NRG1: variants seen among roughly 807,000 people sequenced by gnomAD.
NRG1 encodes the protein neuregulin 1.
A neutral mutation model predicts 63.8 loss-of-function variants in NRG1; 18 were observed. The observed-to-expected ratio is 0.28, with a 90% CI of 0.19 to 0.42. The LOEUF (loss-of-function observed/expected upper bound fraction) is 0.42. Among genes scored for constraint, NRG1 ranks in the 10% least tolerant of loss-of-function variants. The pLI is 1.00. For synonymous variants in NRG1, 302 were observed against 301.3 expected (o/e 1.00, Z -0.02); for missense variants, 762 against 814.7 (o/e 0.94, Z 0.79).
Position 32,627,089 on chromosome 8 carries a change from T to C in NRG1, c.502+10204T>C, listed in dbSNP as rs540927386. Among the ~76,000 whole-genome samples the C allele has an allele frequency of 8.5e-5, 13 of 152,106 alleles. No individual in the cohort carries two copies. The South Asian group carries it at 2.3e-3, about 27-fold the overall frequency. ...ACTATTTTTATTATTATTATTTTAC[T>C]GTTGTCTGTCTCCTAAAATAGCAAA... On this transcript the variant is annotated intron_variant, in intron 5 of 11. Coordinates refer to ENST00000356819, the Ensembl canonical transcript of NRG1.
At chr8:31,994,097 C>A in intron 1 of NRG1, among the ~76,000 whole-genome samples, 1 of 151,866 alleles carries the variant, frequency 6.6e-6, no homozygotes, top group East Asian at 1.9e-4. Context: ...CACTTTGCAG[C>A]AACAAAGAGG....
chr8:32,399,229 A>G (rs372182216), intron 1 of NRG1, among the ~76,000 whole-genome samples: 2 of 152,260 alleles, frequency 1.3e-5, no homozygotes, highest in Admixed American at 6.5e-5. Flanking sequence ...ATTAGGAAAT[A>G]TAAAAGAGTC....
intron 5 of NRG1, among the ~76,000 whole-genome samples, chr8:32,656,862 A>G (rs1801618509): frequency 6.6e-6 from 1 of 151,916 alleles, no homozygotes; most frequent in Non-Finnish European, 1.5e-5. Context: ...CAGGTAAAAT[A>G]TTTTAAATTT....
At chr8:32,288,103 G>A (rs1295389359) in intron 1 of NRG1, among the ~76,000 whole-genome samples, 1 of 152,180 alleles carries the variant, frequency 6.6e-6, no homozygotes, top group Non-Finnish European at 1.5e-5. Flanking sequence ...GGGTAGAGCT[G>A]AATGGTTGAT....
At chr8:32,464,288 C>CG (rs1199915222) in intron 1 of NRG1, among the ~76,000 whole-genome samples, 2 of 136,078 alleles carry the variant, frequency 1.5e-5, no homozygotes, top group East Asian at 2.2e-4. Context: ...CACCCCCCCC[C>CG]ACCCCACCAT....
intron 1 of NRG1, among the ~76,000 whole-genome samples, chr8:32,574,728 T>G (rs1839291521): frequency 1.3e-5 from 2 of 152,218 alleles, no homozygotes; most frequent in African/African-American, 4.8e-5. Context: ...GCATCAGGCT[T>G]CTTGTAAAGC....
intron 1 of NRG1, among the ~76,000 whole-genome samples, chr8:32,353,298 T>A (rs1267282955): frequency 6.6e-6 from 1 of 150,582 alleles, no homozygotes; most frequent in Non-Finnish European, 1.5e-5. Flanking sequence ...AAAATAATAA[T>A]AAATAAGAAA....
intron 1 of NRG1, among the ~76,000 whole-genome samples, chr8:31,959,486 A>G (rs946854237): frequency 4.6e-5 from 7 of 151,966 alleles, no homozygotes; most frequent in African/African-American, 1.7e-4. Context: ...CCAATTTGTC[A>G]TCATCATGCT....
intron 1 of NRG1, among the ~76,000 whole-genome samples, chr8:31,642,769 C>T (rs75881927): frequency 6.6e-6 from 1 of 151,984 alleles, no homozygotes; most frequent in Non-Finnish European, 1.5e-5. Flanking sequence ...GTGTGCTTGG[C>T]GATTTTTGTG....
intron 1 of NRG1, among the ~76,000 whole-genome samples, chr8:31,894,035 C>A (rs1831361745): frequency 6.6e-6 from 1 of 151,868 alleles, no homozygotes; most frequent in African/African-American, 2.4e-5. Flanking sequence ...AGAGAAAATG[C>A]TAAAATTATG....
chr8:31,728,131 C>T (rs1016678261), intron 1 of NRG1, among the ~76,000 whole-genome samples: 1 of 152,116 alleles, frequency 6.6e-6, no homozygotes, highest in Non-Finnish European at 1.5e-5. Context: ...GTAACTGAAA[C>T]CATGAGAAGT....
At chr8:32,738,195 G>C (rs1825559643) in intron 6 of NRG1, among the ~76,000 whole-genome samples, 1 of 151,960 alleles carries the variant, frequency 6.6e-6, no homozygotes, top group Non-Finnish European at 1.5e-5. Context: ...GTCAGGATAG[G>C]GTGCAATACA....
intron 6 of NRG1, among the ~76,000 whole-genome samples, chr8:32,735,687 A>C (rs569893693): frequency 6.6e-6 from 1 of 152,112 alleles, no homozygotes. Flanking sequence ...AAATTGTTTG[A>C]CCCCCAACTT....
At chr8:31,751,685 T>C (rs567704353) in intron 1 of NRG1, among the ~76,000 whole-genome samples, 2 of 152,106 alleles carry the variant, frequency 1.3e-5, no homozygotes, top group South Asian at 4.1e-4. Context: ...TTCAATCATC[T>C]GGATGAAACA....
intron 1 of NRG1, among the ~76,000 whole-genome samples, chr8:31,779,243 A>G (rs1254178369): frequency 1.3e-5 from 2 of 152,156 alleles, no homozygotes; most frequent in East Asian, 3.9e-4. Context: ...TATGTGTGCA[A>G]AGGACCTGGT....
chr8:32,518,675 GA>G (rs1830060411), intron 1 of NRG1, among the ~76,000 whole-genome samples: 1 of 151,918 alleles, frequency 6.6e-6, no homozygotes, highest in Admixed American at 6.6e-5. Context: ...GATGCAGAAA[GA>G]AAAAAGTTCA....
chr8:31,644,290 T>C (rs905545645), intron 1 of NRG1, among the ~76,000 whole-genome samples: 6 of 152,338 alleles, frequency 3.9e-5, no homozygotes, highest in Middle Eastern at 3.4e-3. Flanking sequence ...CAAAAATCTA[T>C]ACCGGATTTA....
chr8:32,376,157 A>G (rs1302698678), intron 1 of NRG1, among the ~76,000 whole-genome samples: 3 of 152,244 alleles, frequency 2.0e-5, no homozygotes, highest in African/African-American at 7.2e-5. Context: ...ACACAATCAA[A>G]GTTAAAATGA....
At position 32,091,826 on chromosome 8, in the gene NRG1, C is replaced by A. The variant is rs1420970400; in HGVS notation, c.37+452395C>A. ...AACCAGGGCTGGTGCAGAGCCAGAA[C>A]AAGGGAGGTCAGAAAGCTAAGGTGA... On this transcript the variant is annotated intron_variant, in intron 1 of 10. Coordinates refer to the NRG1 transcript ENST00000519301. Among the ~76,000 whole-genome samples, 7 of 152,060 alleles carry A rather than the reference C, an allele frequency of 4.6e-5. No individual in the cohort carries two copies. In the South Asian group the frequency reaches 6.2e-4, roughly 14 times the overall value.
Sources: allele counts gnomAD v4.1 joint callset (sites outside exome capture counted in the v4.1 genomes callset), GRCh38; gene constraint gnomAD v4.1.1; transcripts MANE v1.5; gene names NCBI Gene and HGNC (gene_info 2026-07-23, HGNC 2026-07-21).